SLC9C1: variants seen among roughly 807,000 people sequenced by gnomAD.
SLC9C1 encodes solute carrier family 9 member C1.
SLC9C1 carries 97 observed loss-of-function variants against 140.9 expected under a neutral mutation model. That is an observed-to-expected ratio of 0.69 (90% CI 0.58 to 0.82). The LOEUF (loss-of-function observed/expected upper bound fraction) is 0.82. Ranked by LOEUF, SLC9C1 falls within the 40% of genes least tolerant of loss-of-function variation. The probability of loss-of-function intolerance (pLI) is 0.00; values close to 1 mark genes in which losing one functional copy is unlikely to be tolerated. For missense variants in SLC9C1, 1,340 were observed against 1,389.3 expected, an observed-to-expected ratio of 0.96 and a Z score of 0.56; for synonymous variants, 440 against 442.6, an observed-to-expected ratio of 0.99 and a Z score of 0.07.
At chr3:112,147,996 G>A (rs1473568211) in intron 28 of SLC9C1, among the ~76,000 whole-genome samples, 2 of 151,966 alleles carry the variant, frequency 1.3e-5, no homozygotes, top group African/African-American at 2.4e-5. Context: ...AGGCAGACAG[G>A]GTTAGTTCAA....
At position 112,167,314 on chromosome 3, in the gene SLC9C1, T is replaced by C. The variant is rs774210155; in HGVS notation, c.3271A>G (p.Ile1091Val). The change falls in exon 26 of 29, where the codon ATT becomes GTT. Residue 1091 changes from isoleucine to valine, a missense_variant. Transcript: ENST00000305815. Reference protein sequence around the residue: ...QSIEDFTKVVIIQTPINMKTF... With the variant: ...QSIEDFTKVVVIQTPINMKTF... ...TTCATGTTAATCGGAGTTTGAATAATCACTACTTTTGTGAAATCTTCAATA... is the reference window on the plus strand; with the variant it reads ...TTCATGTTAATCGGAGTTTGAATAACCACTACTTTTGTGAAATCTTCAATA... 1.9e-6 allele frequency: 3 copies of C among 1,605,064 alleles called. No homozygotes were observed. Among genetic ancestry groups the C allele is most frequent in the Non-Finnish European group, 2.5e-6 (3 of 1,176,614 alleles).
At chr3:112,213,033 G>C (rs981957381) in intron 15 of SLC9C1, among the ~76,000 whole-genome samples, 1 of 152,194 alleles carries the variant, frequency 6.6e-6, no homozygotes, top group Non-Finnish European at 1.5e-5. Context: ...CAAGGCAGAA[G>C]ACAATGGGGG....
chr3:112,252,386 A>T (rs1559716527), intron 10 of SLC9C1, among the ~76,000 whole-genome samples: 1 of 152,046 alleles, frequency 6.6e-6, no homozygotes. Context: ...CCTCCCTGGG[A>T]TGGGGCTACC....
Position 112,202,233 on chromosome 3 carries a change from A to ATT in SLC9C1, c.2322+15_2322+16dup. Reference sequence around the variant, plus strand: ...GGGCTGAGTGAACTCTTTTCTTAGGATTTAAGGTTTTCTTACCTGTTTAAT... The same window carrying ATT: ...GGGCTGAGTGAACTCTTTTCTTAGGATTTTTAAGGTTTTCTTACCTGTTTAAT... On this transcript the variant is annotated intron_variant, in intron 18 of 28. Transcript: ENST00000305815. 1 of 1,608,014 alleles carries ATT rather than the reference A, an allele frequency of 6.2e-7. No individual in the cohort carries two copies. The highest frequency in any genetic ancestry group is 1.7e-4 in the Middle Eastern group (1 of 5,930).
chr3:112,208,263 G>C lies in SLC9C1; in HGVS notation c.1901C>G (p.Ser634Cys), dbSNP rs776872549. Residue 634 changes from serine to cysteine, a missense_variant, in exon 16 of 29, where the codon TCC becomes TGC. Ser to Cys is a moderately radical substitution (Grantham distance 112, BLOSUM62 -1). Transcript: ENST00000305815. ...NIFPFIISWISQLNVIYHSEL... is the reference protein window; with the variant it reads ...NIFPFIISWICQLNVIYHSEL... ...GCTGTGGTAGATTACATTTAACTGG[G>C]ATATCCAAGAGATTATAAAGGGAAA... 3 of 1,611,132 alleles carry C rather than the reference G, an allele frequency of 1.9e-6. No homozygotes were observed. The highest frequency in any genetic ancestry group is 2.5e-6 in the Non-Finnish European group (3 of 1,178,410).
chr3:112,221,068 T>C, intron 14 of SLC9C1, 60 bp downstream of exon 14: 1 of 1,396,592 alleles, frequency 7.2e-7, no homozygotes, highest in South Asian at 1.2e-5. Flanking sequence ...AAAACTCACT[T>C]GGGTAATTTC....
intron 21 of SLC9C1, among the ~76,000 whole-genome samples, chr3:112,181,794 A>C (rs557941434): frequency 5.9e-5 from 9 of 152,312 alleles, no homozygotes; most frequent in African/African-American, 1.7e-4. Context: ...TTGAAAAAAA[A>C]AAAGTGAAAA....
intron 15 of SLC9C1, among the ~76,000 whole-genome samples, chr3:112,215,893 G>A (rs772103367): frequency 6.6e-6 from 1 of 152,166 alleles, no homozygotes; most frequent in South Asian, 2.1e-4. Flanking sequence ...AGCCCACATT[G>A]CTAAGTCAAT....
chr3:112,166,073 C>T (rs193108978), intron 26 of SLC9C1, among the ~76,000 whole-genome samples: 265 of 152,316 alleles, frequency 1.7e-3, no homozygotes, highest in Non-Finnish European at 3.1e-3. Flanking sequence ...CCAAGCCAGG[C>T]GCTGGATATA....
At chr3:112,235,267 C>T (rs9875714) in intron 12 of SLC9C1, among the ~76,000 whole-genome samples, 112,280 of 112,976 alleles carry the variant, frequency 0.99, 55,867 homozygotes, top group Middle Eastern at 1. Flanking sequence ...ATGATTTGGC[C>T]CTCTGTTTGT....
chr3:112,264,003 A>C (rs986576745), intron 9 of SLC9C1, among the ~76,000 whole-genome samples, 197 bp downstream of exon 9: 1 of 151,574 alleles, frequency 6.6e-6, no homozygotes, highest in Non-Finnish European at 1.5e-5. Context: ...CTAATTAAAA[A>C]AACTTATAGA....
At chr3:112,169,127 A>G in intron 24 of SLC9C1, 65 bp from the exon 25 acceptor site, 2 of 1,576,004 alleles carry the variant, frequency 1.3e-6, no homozygotes, top group Middle Eastern at 1.7e-4. Flanking sequence ...ATTCATAAAT[A>G]GTCAATTATA....
intron 11 of SLC9C1, among the ~76,000 whole-genome samples, chr3:112,243,716 G>A (rs1396914553): frequency 6.7e-6 from 1 of 148,770 alleles, no homozygotes; most frequent in Non-Finnish European, 1.5e-5. Flanking sequence ...TTTGAGACAG[G>A]GTCTTGCTCT....
At chr3:112,144,842 G>T (rs2074738301) in intron 28 of SLC9C1, among the ~76,000 whole-genome samples, 2 of 152,090 alleles carry the variant, frequency 1.3e-5, no homozygotes, top group South Asian at 4.2e-4. Flanking sequence ...GAAGCCTTTT[G>T]GTAGAGTCCT....
intron 2 of SLC9C1, among the ~76,000 whole-genome samples, chr3:112,284,750 C>T (rs1052817498): frequency 1.3e-5 from 2 of 151,966 alleles, no homozygotes; most frequent in Admixed American, 6.6e-5. Flanking sequence ...GAAGCTGACC[C>T]AAAGTTAAGA....
chr3:112,192,405 A>G (rs1229120301), intron 20 of SLC9C1, among the ~76,000 whole-genome samples: 1 of 152,192 alleles, frequency 6.6e-6, no homozygotes, highest in Non-Finnish European at 1.5e-5. Context: ...ATCAAGATTC[A>G]TCTATATTGT....
At chr3:112,287,325 T>C (rs4682392) in intron 1 of SLC9C1, among the ~76,000 whole-genome samples, 48,382 of 152,102 alleles carry the variant, frequency 0.32, 7,877 homozygotes, top group African/African-American at 0.37. Flanking sequence ...GGGAAGAATA[T>C]TTGGATCTCT....
chr3:112,233,171 T>C (rs79602720), intron 12 of SLC9C1, among the ~76,000 whole-genome samples: 3 of 151,318 alleles, frequency 2.0e-5, no homozygotes, highest in Non-Finnish European at 2.9e-5. Context: ...CAGGCTTGAG[T>C]GATCTTCCTA....
intron 20 of SLC9C1, among the ~76,000 whole-genome samples, chr3:112,188,902 C>A (rs2399406): frequency 0.3 from 44,959 of 152,022 alleles, 7,195 homozygotes; most frequent in East Asian, 0.43. Flanking sequence ...TCTGTTGTTT[C>A]CTGACTTTTT....
Sources: gnomAD v4.1 joint callset for allele counts (sites outside exome capture counted in the v4.1 genomes callset) on GRCh38, gnomAD v4.1.1 for gene constraint, MANE v1.5 for transcripts, NCBI Gene and HGNC (gene_info 2026-07-23, HGNC 2026-07-21) for gene names.